Variants in AKAP3 observed in about 807,000 individuals in gnomAD.
AKAP3 encodes the protein A-kinase anchor protein 3.
In AKAP3, 27 loss-of-function variants were observed where a neutral mutation model predicts 57.2. The ratio of observed to expected loss-of-function variants is 0.47; its 90% CI spans 0.35 to 0.65. The LOEUF is 0.65. Ranked by LOEUF, AKAP3 falls within the 30% of genes least tolerant of loss-of-function variation. AKAP3 has a pLI of 0.01. For missense variants in AKAP3, 959 were observed against 1,040.0 expected, an observed-to-expected ratio of 0.92 and a Z score of 1.07; for synonymous variants, 334 against 392.3, an observed-to-expected ratio of 0.85 and a Z score of 1.76.
rs79271647 is a variant in AKAP3 at position 4,630,279 on chromosome 12, G to A, written c.97-1474C>T. Among the ~76,000 whole-genome samples, 1,342 of 152,168 alleles carry A rather than the reference G, an allele frequency of 8.8e-3. 13 individuals are homozygous for A. Among genetic ancestry groups the A allele is most frequent in the African/African-American group, 0.024 (984 of 41,516 alleles). On this transcript the variant is annotated intron_variant, in intron 4 of 5. Coordinates refer to ENST00000228850, the MANE Select transcript of AKAP3 (RefSeq NM_001278309.2). ...ACTATTTTGTTTAATCCTCATATTC[G>A]CCTAGTAAGATAGGTTTTACTCTTC... is the stretch of plus-strand genomic sequence containing the variant.
At chr12:4,617,039 T>C (rs532175603) in intron 5 of AKAP3, among the ~76,000 whole-genome samples, 3 of 152,046 alleles carry the variant, frequency 2.0e-5, no homozygotes, top group African/African-American at 7.2e-5. Flanking sequence ...AGACCTACCA[T>C]AACTAAATCA....
intron 4 of AKAP3, among the ~76,000 whole-genome samples, chr12:4,637,317 G>A (rs1945579111): frequency 6.6e-6 from 1 of 152,204 alleles, no homozygotes; most frequent in Non-Finnish European, 1.5e-5. Flanking sequence ...GGTCAGAGCA[G>A]GAGGAAAGGG....
At chr12:4,635,790 T>A in intron 4 of AKAP3, 1 of 703,146 alleles carries the variant, frequency 1.4e-6, no homozygotes. Context: ...TATACTGTAG[T>A]GTCATCAAGA....
chr12:4,628,364 T>A lies in AKAP3; in HGVS notation c.538A>T (p.Asn180Tyr), dbSNP rs763258102. The A allele has an allele frequency of 6.2e-7, 1 of 1,614,198 alleles. No individual in the cohort carries two copies. Among genetic ancestry groups the A allele is most frequent in the Non-Finnish European group, 8.5e-7 (1 of 1,180,018 alleles). ...SLSKIASELV[N>Y]ETVSACSRNA... ...CTGGAACATGCAGAGACGGTCTCATTCACAAGCTCTGATGCTATCTTACTG... is the reference window on the plus strand; with the variant it reads ...CTGGAACATGCAGAGACGGTCTCATACACAAGCTCTGATGCTATCTTACTG... The change falls in exon 5 of 6, where the codon AAT (asparagine) becomes TAT (tyrosine). Residue 180 changes from asparagine to tyrosine, a missense_variant. Coordinates refer to ENST00000228850, the MANE Select transcript of AKAP3 (RefSeq NM_001278309.2).
At chr12:4,643,649 T>C (rs1339544336) in intron 2 of AKAP3, among the ~76,000 whole-genome samples, 2 of 152,166 alleles carry the variant, frequency 1.3e-5, no homozygotes, top group East Asian at 3.8e-4. Context: ...CCATGGCAAG[T>C]AGAAGGATTG....
chr12:4,627,053 C>A lies in AKAP3; in HGVS notation c.1849G>T (p.Val617Leu), dbSNP rs761757837. 4.3e-6 allele frequency: 7 copies of A among 1,613,830 alleles called. No individual in the cohort carries two copies. The South Asian group carries it at 7.7e-5, about 18-fold the overall frequency. The change falls in exon 5 of 6, where the codon GTG becomes TTG. Residue 617 changes from valine (V) to leucine (L), a missense_variant. Val to Leu is a conservative substitution (Grantham distance 32). Coordinates refer to ENST00000228850, the MANE Select transcript of AKAP3 (RefSeq NM_001278309.2). The part of the protein sequence containing the change: ...FKRDQSPEPK[V>L]PEQPVKEDRK... ...TCTTCCTTAACTGGCTGTTCCGGCA[C>A]CTTGGGTTCAGGGCTCTGGTCACGC...
chr12:4,626,349 A>G, intron 5 of AKAP3, 147 bp downstream of exon 5: 1 of 979,338 alleles, frequency 1.0e-6, no homozygotes, highest in Non-Finnish European at 1.5e-6. Context: ...TTTATCCATT[A>G]TCTCTGCCAG....
chr12:4,633,117 A>G (rs1399503079), intron 4 of AKAP3, among the ~76,000 whole-genome samples: 1 of 79,312 alleles, frequency 1.3e-5, no homozygotes, highest in Non-Finnish European at 2.4e-5. Flanking sequence ...CTTTTCAATT[A>G]AAAAAAAAAA....
At chr12:4,633,534 T>C (rs151179059) in intron 4 of AKAP3, among the ~76,000 whole-genome samples, 277 of 152,168 alleles carry the variant, frequency 1.8e-3, no homozygotes, top group Admixed American at 3.9e-3. Context: ...CAATGCAGTC[T>C]ATAACCAAAC....
At chr12:4,631,528 CAG>C (rs763226924) in intron 4 of AKAP3, 29 of 577,174 alleles carry the variant, frequency 5.0e-5, no homozygotes, top group Non-Finnish European at 6.1e-5. Context: ...TGTCTTCCCC[CAG>C]AGAGTATTAA....
intron 4 of AKAP3, among the ~76,000 whole-genome samples, chr12:4,636,307 G>A (rs979710518): frequency 6.6e-6 from 1 of 152,248 alleles, no homozygotes; most frequent in Non-Finnish European, 1.5e-5. Flanking sequence ...ATGGCCCGTA[G>A]GACGAGAGTG....
In AKAP3 at chr12:4,625,477, T is replaced by C. The variant is rs1164543518; in HGVS notation, c.2406+1019A>G. 6.6e-6 allele frequency among the ~76,000 whole-genome samples: 1 copy of C among 152,228 alleles called. No individual in the cohort carries two copies. The highest frequency in any genetic ancestry group is 2.4e-5 in the African/African-American group (1 of 41,450). ...TGTTTTCCCAGTCATCAGATAAATA[T>C]AGCGACCCAGTTGCAAGCGTTGCTA... On this transcript the variant is annotated intron_variant, in intron 5 of 5. Transcript: ENST00000228850. This position sits in a 1 kb window ranked among gnomAD's most constrained non-coding sequence, Gnocchi z 5.4.
intron 5 of AKAP3, among the ~76,000 whole-genome samples, chr12:4,620,474 CAAAAAAA>C (rs35307509): frequency 1.2e-4 from 10 of 82,702 alleles, no homozygotes; most frequent in Non-Finnish European, 2.0e-4. Flanking sequence ...GAGACTGTCT[CAAAAAAA>C]AAAAAAAAAA....
intron 4 of AKAP3, 94 bp downstream of exon 4, chr12:4,638,007 T>TA: frequency 4.7e-6 from 5 of 1,061,162 alleles, no homozygotes; most frequent in Non-Finnish European, 5.8e-6. Context: ...CCTTGAAAAA[T>TA]AAGAGGTTGG....
At chr12:4,620,494 A>AG (rs1279176891) in intron 5 of AKAP3, among the ~76,000 whole-genome samples, 6 of 151,332 alleles carry the variant, frequency 4.0e-5, no homozygotes, top group South Asian at 2.1e-4. Flanking sequence ...AAAAAAAAAA[A>AG]AGAGAGATTG....
intron 5 of AKAP3, among the ~76,000 whole-genome samples, chr12:4,624,835 T>A (rs982279890): frequency 1.4e-4 from 21 of 151,868 alleles, no homozygotes; most frequent in Non-Finnish European, 2.4e-4. Flanking sequence ...TATATAAAAG[T>A]GGGGGACTGC....
Position 4,626,702 on chromosome 12 carries a change from A to G in AKAP3, c.2200T>C (p.Tyr734His), listed in dbSNP as rs2137431739. 6.2e-7 allele frequency: 1 copy of G among 1,614,010 alleles called. No homozygotes were observed. The highest frequency in any genetic ancestry group is 8.5e-7 in the Non-Finnish European group (1 of 1,180,024). ...CTCATTTCATTATGGATAGCTTGAT[A>G]GGCATTCTGCAGGACAGCTTCTGCT... ...GSAEAVLQNAYQAIHNEMRGT... is the reference protein window; with the variant it reads ...GSAEAVLQNAHQAIHNEMRGT... The change falls in exon 5 of 6, where the codon TAT becomes CAT. Residue 734 changes from tyrosine to histidine, a missense_variant. Transcript: ENST00000228850.
intron 5 of AKAP3, among the ~76,000 whole-genome samples, chr12:4,621,887 T>TACA (rs928892632): frequency 3.3e-5 from 5 of 151,802 alleles, no homozygotes; most frequent in South Asian, 2.1e-4. Context: ...AGAAACAAAC[T>TACA]ACAACAACAA....
intron 5 of AKAP3, among the ~76,000 whole-genome samples, chr12:4,617,585 T>G (rs1945300386): frequency 6.6e-6 from 1 of 152,076 alleles, no homozygotes; most frequent in Non-Finnish European, 1.5e-5. Flanking sequence ...AAACCCCATC[T>G]CTACTAAAAA....
Sources: gnomAD v4.1 joint callset for allele counts (sites outside exome capture counted in the v4.1 genomes callset) on GRCh38, gnomAD v4.1.1 for gene constraint, Gnocchi (gnomAD v3.1) non-coding constraint, MANE v1.5 for transcripts, NCBI Gene and HGNC (gene_info 2026-07-23, HGNC 2026-07-21) for gene names.